Variants in HEPHL1 observed in about 807,000 individuals in gnomAD.
HEPHL1 encodes hephaestin like 1, also known as ferroxidase HEPHL1.
A neutral mutation model predicts 122.0 loss-of-function variants in HEPHL1; 123 were observed. The ratio of observed to expected loss-of-function variants is 1.01; its 90% CI spans 0.87 to 1.17. The LOEUF is 1.17. Ranked by LOEUF, HEPHL1 falls within the 50% of genes most tolerant of loss-of-function variation. HEPHL1 has a pLI of 0.00. For synonymous variants in HEPHL1, 527 were observed against 508.9 expected (o/e 1.04, Z -0.48); for missense variants, 1,452 against 1,430.5 (o/e 1.01, Z -0.24).
chr11:94,029,382 C>A (rs988458282), intron 1 of HEPHL1, among the ~76,000 whole-genome samples: 2 of 152,150 alleles, frequency 1.3e-5, no homozygotes, highest in Admixed American at 6.5e-5. Flanking sequence ...TTTCCACTCA[C>A]AGCCAATTTG....
chr11:94,067,626 CA>C lies in HEPHL1; in HGVS notation c.940del (p.Ile314SerfsTer22), dbSNP rs1481728083. Reference protein sequence around the residue: ...HSIYFYGNTFISRGHRTDVVN... With the variant: ...HSIYFYGNTFXSRGHRTDVVN... ...CTATCTATTTCTATGGTAACACCTT[CA>C]TCAGCAGAGGGCATCGGACTGATGT... On this transcript the variant is annotated frameshift_variant, in exon 5 of 20. Transcript: ENST00000315765. LOFTEE classifies it high-confidence loss of function. 6.2e-7 allele frequency: 1 copy of C among 1,613,816 alleles called. No homozygotes were observed. The highest frequency in any genetic ancestry group is 8.5e-7 in the Non-Finnish European group (1 of 1,179,748).
intron 5 of HEPHL1, 136 bp from the exon 6 acceptor site, chr11:94,070,238 T>TA (rs1183411116): frequency 8.3e-6 from 6 of 722,262 alleles, no homozygotes; most frequent in South Asian, 3.0e-5. Flanking sequence ...TTATCCTTTT[T>TA]AAAAAAACTT....
At chr11:94,027,432 G>A (rs897748389) in intron 1 of HEPHL1, among the ~76,000 whole-genome samples, 2 of 152,192 alleles carry the variant, frequency 1.3e-5, no homozygotes, top group Non-Finnish European at 2.9e-5. Context: ...CCGTCTCACG[G>A]GGTTCTTTGG....
chr11:94,079,230 G>A (rs1365813577), intron 9 of HEPHL1, among the ~76,000 whole-genome samples: 1 of 152,188 alleles, frequency 6.6e-6, no homozygotes, highest in African/African-American at 2.4e-5. Context: ...TTGCAAGTGA[G>A]GGAATTAGGG....
At chr11:94,065,265 G>A (rs952405488) in intron 4 of HEPHL1, among the ~76,000 whole-genome samples, 1 of 152,108 alleles carries the variant, frequency 6.6e-6, no homozygotes, top group East Asian at 1.9e-4. Context: ...TCTCAGAATT[G>A]TTCTAACCAA....
intron 4 of HEPHL1, among the ~76,000 whole-genome samples, chr11:94,065,838 G>T (rs941131142): frequency 1.3e-5 from 2 of 152,138 alleles, no homozygotes; most frequent in African/African-American, 2.4e-5. Flanking sequence ...AAGTGAAAAT[G>T]TCCAACAAAA....
At chr11:94,037,657 G>A (rs1303491559) in intron 1 of HEPHL1, among the ~76,000 whole-genome samples, 3 of 152,100 alleles carry the variant, frequency 2.0e-5, no homozygotes, top group East Asian at 1.9e-4. Flanking sequence ...GCAGCTGAGG[G>A]TCCTGTCTGT....
intron 1 of HEPHL1, among the ~76,000 whole-genome samples, chr11:94,037,025 G>A (rs1402903770): frequency 6.6e-6 from 1 of 152,208 alleles, no homozygotes; most frequent in Non-Finnish European, 1.5e-5. Context: ...CCGTGCACGA[G>A]CCGAAGCAGG....
chr11:94,095,398 C>T (rs909735909), intron 13 of HEPHL1, among the ~76,000 whole-genome samples: 2 of 152,284 alleles, frequency 1.3e-5, no homozygotes, highest in South Asian at 2.1e-4. Context: ...GCTACTACAG[C>T]CTTGTAGTAC....
intron 15 of HEPHL1, among the ~76,000 whole-genome samples, chr11:94,103,273 CAAAAAAAAAAA>C (rs755716566): frequency 4.5e-5 from 2 of 44,292 alleles, no homozygotes; most frequent in Non-Finnish European, 9.2e-5. Context: ...TTTTTTTTCC[CAAAAAAAAAAA>C]AAAAAAAAAA....
chr11:94,061,337 G>A (rs1415069396), intron 2 of HEPHL1, among the ~76,000 whole-genome samples: 1 of 152,146 alleles, frequency 6.6e-6, no homozygotes, highest in East Asian at 1.9e-4. Context: ...GTGGGGATGA[G>A]TGCTATCAGC....
intron 17 of HEPHL1, among the ~76,000 whole-genome samples, chr11:94,109,348 C>A (rs375940540): frequency 6.6e-5 from 10 of 152,130 alleles, no homozygotes; most frequent in African/African-American, 2.4e-4. Flanking sequence ...TCTTTTATTT[C>A]TTTTGTCTTA....
At chr11:94,096,548 G>T (rs545058402) in intron 13 of HEPHL1, among the ~76,000 whole-genome samples, 1 of 152,250 alleles carries the variant, frequency 6.6e-6, no homozygotes, top group Admixed American at 6.5e-5. Flanking sequence ...GAGTTAGGGA[G>T]GATTCCCTCT....
intron 1 of HEPHL1, among the ~76,000 whole-genome samples, chr11:94,033,071 C>A (rs1236652051): frequency 2.0e-5 from 3 of 152,152 alleles, no homozygotes; most frequent in Non-Finnish European, 2.9e-5. Context: ...TATAAAACCC[C>A]AAGTCAAAAG....
At position 94,113,324 on chromosome 11, in the gene HEPHL1, G is replaced by A. The variant is rs942011413; in HGVS notation, c.*1430G>A. On this transcript the variant is annotated 3_prime_UTR_variant, in exon 20 of 20. Transcript: ENST00000315765. ...AGCAGTGGGTAATTTGAATGTCAAA[G>A]TGAGTGACAAGGACCTAAGAAATAT... 2.0e-5 allele frequency: 3 copies of A among 152,234 alleles called. No homozygotes were observed. Among genetic ancestry groups the A allele is most frequent in the Non-Finnish European group, 4.4e-5 (3 of 68,040 alleles). The allele number at this position is 152,234 out of a possible 1,614,324, so 9.4% of individuals were successfully genotyped here. A position where few individuals can be genotyped will look rare whatever the true frequency, so the allele number is the denominator to read the frequency against.
chr11:94,033,398 T>C (rs1251935761), intron 1 of HEPHL1, among the ~76,000 whole-genome samples: 3 of 152,168 alleles, frequency 2.0e-5, no homozygotes, highest in African/African-American at 7.2e-5. Flanking sequence ...TATGATGTCA[T>C]CCAGGTGTAG....
intron 4 of HEPHL1, among the ~76,000 whole-genome samples, chr11:94,066,288 C>G (rs774231801): frequency 6.6e-6 from 1 of 152,192 alleles, no homozygotes; most frequent in African/African-American, 2.4e-5. Context: ...GGTATTGTGG[C>G]ACACGCCTGT....
At position 94,075,334 on chromosome 11, in the gene HEPHL1, A is replaced by G. The variant is rs373592570; in HGVS notation, c.1665A>G (p.Val555=). The change falls in exon 9 of 20, where the codon GTA becomes GTG. Residue 555 remains valine, a synonymous_variant. Transcript: ENST00000315765. ...TTAAGGACACCAGCTCTGGCCTGGT[A>G]GGGCCTTTGCTAGTCTGTAAAAAGG... is the stretch of plus-strand genomic sequence containing the variant. The part of the protein sequence containing the change: ...DPIKDTSSGL[V]GPLLVCKKGV... The G allele has an allele frequency of 1.4e-4, 223 of 1,613,424 alleles. 1 individual carries two copies. The highest frequency in any genetic ancestry group is 5.0e-4 in the Middle Eastern group (3 of 6,016).
At chr11:94,067,435 A>T (rs1946043179) in intron 4 of HEPHL1, 61 bp from the exon 5 acceptor site, 2 of 1,559,182 alleles carry the variant, frequency 1.3e-6, no homozygotes, top group African/African-American at 2.7e-5. Flanking sequence ...TATTACCAAC[A>T]TTTCTGGTCC....
Sources: gnomAD v4.1 joint callset for allele counts (sites outside exome capture counted in the v4.1 genomes callset) on GRCh38, gnomAD v4.1.1 for gene constraint, MANE v1.5 for transcripts, NCBI Gene and HGNC (gene_info 2026-07-23, HGNC 2026-07-21) for gene names.